CTNNA2: variants seen among roughly 807,000 people sequenced by gnomAD.
CTNNA2 encodes the protein catenin alpha-2.
Under a neutral mutation model 101.0 loss-of-function variants are expected in CTNNA2, and 42 were observed. That is an observed-to-expected ratio of 0.42 (90% confidence interval 0.32 to 0.54). The LOEUF (loss-of-function observed/expected upper bound fraction) is 0.54. Among genes scored for constraint, CTNNA2 ranks in the 20% least tolerant of loss-of-function variants. The pLI, the probability that CTNNA2 is intolerant of heterozygous loss-of-function variation, is 0.14. For synonymous variants in CTNNA2, 450 were observed against 456.4 expected, an observed-to-expected ratio of 0.99 and a Z score of 0.18; for missense variants, 871 against 1,223.1, an observed-to-expected ratio of 0.71 and a Z score of 4.29.
At chr2:80,567,389 G>A (rs3821067) in intron 12 of CTNNA2, among the ~76,000 whole-genome samples, 54,305 of 151,930 alleles carry the variant, frequency 0.36, 9,944 homozygotes, top group East Asian at 0.47. Flanking sequence ...CTTCAGACTC[G>A]GTCTTCTTAC....
At chr2:79,481,140 T>C (rs1296243708) in intron 4 of CTNNA2, among the ~76,000 whole-genome samples, 1 of 152,146 alleles carries the variant, frequency 6.6e-6, no homozygotes, top group Admixed American at 6.6e-5. Flanking sequence ...AAGTGAATAT[T>C]AAAGAGCAAT....
intron 18 of CTNNA2, among the ~76,000 whole-genome samples, chr2:80,645,998 AT>A (rs1558676607): frequency 2.0e-5 from 3 of 152,182 alleles, no homozygotes; most frequent in Non-Finnish European, 4.4e-5. Context: ...CGCAACATTA[AT>A]TTAGCTTAAA....
chr2:80,180,324 T>C (rs1705693165), intron 7 of CTNNA2, among the ~76,000 whole-genome samples: 1 of 152,254 alleles, frequency 6.6e-6, no homozygotes, highest in African/African-American at 2.4e-5. Flanking sequence ...AATTAGTTTT[T>C]TGTTCACTCG....
chr2:79,287,584 T>C (rs1424951049), intron 2 of CTNNA2, among the ~76,000 whole-genome samples: 4 of 146,174 alleles, frequency 2.7e-5, no homozygotes, highest in African/African-American at 8.1e-5. Flanking sequence ...AGGGACCCAC[T>C]TGAGGAGGCA....
intron 2 of CTNNA2, among the ~76,000 whole-genome samples, chr2:79,715,037 C>CAAAAAAAAAA (rs60331511): frequency 1.0e-5 from 1 of 97,136 alleles, no homozygotes. Context: ...CTAAAAATAC[C>CAAAAAAAAAA]AAAAAAAAAA....
chr2:79,797,199 AC>A (rs1482115462), intron 3 of CTNNA2, among the ~76,000 whole-genome samples: 1 of 152,194 alleles, frequency 6.6e-6, no homozygotes, highest in Admixed American at 6.5e-5. Context: ...ATGAGAAAGT[AC>A]CTATGTAGAC....
chr2:79,986,780 A>C (rs1691791772), intron 7 of CTNNA2, among the ~76,000 whole-genome samples: 1 of 152,200 alleles, frequency 6.6e-6, no homozygotes, highest in Admixed American at 6.5e-5. Context: ...GGTTAGATGG[A>C]TAAGATGGGG....
At chr2:79,685,290 G>A (rs986573694) in intron 2 of CTNNA2, among the ~76,000 whole-genome samples, 6 of 152,060 alleles carry the variant, frequency 3.9e-5, no homozygotes, top group African/African-American at 1.4e-4. Flanking sequence ...AATCGTGCCT[G>A]GCTTTATGGA....
chr2:80,022,199 T>G (rs1694614388), intron 7 of CTNNA2, among the ~76,000 whole-genome samples: 1 of 152,242 alleles, frequency 6.6e-6, no homozygotes, highest in African/African-American at 2.4e-5. Flanking sequence ...CTGATAGGTA[T>G]CTATTCTTTT....
At chr2:80,514,379 T>C (rs1688942474) in intron 9 of CTNNA2, among the ~76,000 whole-genome samples, 1 of 152,140 alleles carries the variant, frequency 6.6e-6, no homozygotes, top group Admixed American at 6.5e-5. Context: ...CCTCTGTTCG[T>C]GGACAGTGGG....
chr2:80,468,831 G>A (rs1467082095), intron 9 of CTNNA2, among the ~76,000 whole-genome samples: 3 of 152,202 alleles, frequency 2.0e-5, no homozygotes, highest in Admixed American at 6.5e-5. Context: ...TAAGTGATCA[G>A]TTAAAACTTA....
At chr2:79,919,489 G>T (rs979396885) in intron 7 of CTNNA2, among the ~76,000 whole-genome samples, 1 of 152,184 alleles carries the variant, frequency 6.6e-6, no homozygotes, top group Non-Finnish European at 1.5e-5. Context: ...AGAGGAAAGG[G>T]CTTTCTCTGA....
intron 2 of CTNNA2, among the ~76,000 whole-genome samples, chr2:79,685,246 C>G (rs1192272050): frequency 6.6e-6 from 1 of 152,090 alleles, no homozygotes; most frequent in South Asian, 2.1e-4. Context: ...TTCATTCATT[C>G]ACTTACTAAT....
chr2:80,247,594 C>T (rs980886751), intron 7 of CTNNA2, among the ~76,000 whole-genome samples: 2 of 152,112 alleles, frequency 1.3e-5, no homozygotes, highest in African/African-American at 4.8e-5. Flanking sequence ...TTCTGCTTTT[C>T]TCTCTCTCTC....
At chr2:79,792,139 G>T (rs1234995836) in intron 3 of CTNNA2, among the ~76,000 whole-genome samples, 1 of 152,094 alleles carries the variant, frequency 6.6e-6, no homozygotes, top group Non-Finnish European at 1.5e-5. Flanking sequence ...CCGTGTAGGT[G>T]ACTGGTATGT....
intron 4 of CTNNA2, among the ~76,000 whole-genome samples, chr2:79,420,344 T>A (rs1427776660): frequency 6.6e-6 from 1 of 152,126 alleles, no homozygotes; most frequent in Admixed American, 6.6e-5. Flanking sequence ...TGGTCAATCA[T>A]CTTACAAAAA....
intron 4 of CTNNA2, among the ~76,000 whole-genome samples, chr2:79,455,134 C>G (rs527545970): frequency 3.3e-5 from 5 of 152,172 alleles, no homozygotes; most frequent in Non-Finnish European, 7.4e-5. Flanking sequence ...TTAAAAATGA[C>G]TATGCTCATC....
chr2:80,093,058 G>T (rs2148823507), intron 7 of CTNNA2, among the ~76,000 whole-genome samples: 1 of 151,866 alleles, frequency 6.6e-6, no homozygotes, highest in South Asian at 2.1e-4. Flanking sequence ...ACAACATGCA[G>T]GTTTGTTACA....
chr2:79,736,001 T>C (rs1197415334), intron 2 of CTNNA2, among the ~76,000 whole-genome samples: 1 of 152,236 alleles, frequency 6.6e-6, no homozygotes, highest in Non-Finnish European at 1.5e-5. Context: ...TAATCTAAAA[T>C]AAGGTGTGAA....
Sources: gnomAD v4.1 joint callset for allele counts (sites outside exome capture counted in the v4.1 genomes callset) on GRCh38, gnomAD v4.1.1 for gene constraint, MANE v1.5 for transcripts, NCBI Gene and HGNC (gene_info 2026-07-23, HGNC 2026-07-21) for gene names.